The following TRPM3 variants were observed in gnomAD, a reference collection of about 807,000 sequenced individuals.
TRPM3 encodes transient receptor potential cation channel subfamily M member 3, also known as long transient receptor potential channel 3.
TRPM3 carries 77 observed loss-of-function variants against 181.2 expected under a neutral mutation model. That is an observed-to-expected ratio of 0.42 (90% CI 0.35 to 0.51). TRPM3 has a LOEUF of 0.51. TRPM3 is among the 20% of genes least tolerant of loss of function. The pLI is 0.01. For missense variants in TRPM3, 1,759 were observed against 2,196.7 expected (o/e 0.80, Z 3.98); for synonymous variants, 745 against 796.4 (o/e 0.94, Z 1.09).
chr9:70,834,118 A>G (rs565603144), intron 5 of TRPM3, among the ~76,000 whole-genome samples: 1 of 152,212 alleles, frequency 6.6e-6, no homozygotes, highest in South Asian at 2.1e-4. Context: ...TCCTGTTGAA[A>G]CCCAGATGCC....
chr9:70,761,309 G>C, intron 8 of TRPM3: 1 of 611,216 alleles, frequency 1.6e-6, no homozygotes, highest in Non-Finnish European at 2.9e-6. Context: ...TCTCCAGGAG[G>C]GGACCAATTT....
chr9:70,761,753 G>A, intron 7 of TRPM3, 29 bp from the exon 8 acceptor site: 1 of 1,595,654 alleles, frequency 6.3e-7, no homozygotes. Context: ...TCAAAAGCAG[G>A]TCAACCAACT....
chr9:70,952,654 G>A (rs569366533), intron 1 of TRPM3, among the ~76,000 whole-genome samples: 137 of 152,268 alleles, frequency 9.0e-4, no homozygotes, highest in African/African-American at 3.0e-3. Flanking sequence ...AGGAAAGAGC[G>A]AAAAATTGGA....
At chr9:70,596,427 A>C (rs1195505152) in intron 21 of TRPM3, among the ~76,000 whole-genome samples, 2 of 152,142 alleles carry the variant, frequency 1.3e-5, no homozygotes, top group African/African-American at 4.8e-5. Flanking sequence ...AGTAAATCTC[A>C]AGTAATAATA....
At chr9:71,349,479 A>T (rs1450849157) in intron 1 of TRPM3, among the ~76,000 whole-genome samples, 1 of 152,226 alleles carries the variant, frequency 6.6e-6, no homozygotes, top group African/African-American at 2.4e-5. Flanking sequence ...AATTCCACTA[A>T]GAAGACTTCA....
chr9:71,119,698 T>C (rs1461400113), intron 1 of TRPM3, among the ~76,000 whole-genome samples: 1 of 152,200 alleles, frequency 6.6e-6, no homozygotes, highest in Non-Finnish European at 1.5e-5. Flanking sequence ...GTTGAATTCT[T>C]TCAGGGAGAC....
At chr9:71,138,448 G>C (rs1009311516) in intron 1 of TRPM3, among the ~76,000 whole-genome samples, 1 of 152,032 alleles carries the variant, frequency 6.6e-6, no homozygotes, top group Non-Finnish European at 1.5e-5. Flanking sequence ...TTGCTTTTGG[G>C]TTTTAAATGA....
chr9:70,677,541 A>G (rs1204538863), intron 9 of TRPM3, among the ~76,000 whole-genome samples: 1 of 152,242 alleles, frequency 6.6e-6, no homozygotes, highest in Non-Finnish European at 1.5e-5. Flanking sequence ...TGCTACACAG[A>G]GAGGCCAAGA....
chr9:71,279,247 T>C (rs756923572), intron 1 of TRPM3, among the ~76,000 whole-genome samples: 8 of 152,032 alleles, frequency 5.3e-5, no homozygotes, highest in Non-Finnish European at 1.0e-4. Context: ...AACCCCTTCC[T>C]GTGAAAATAT....
chr9:71,366,170 T>C (rs879642479), intron 1 of TRPM3, among the ~76,000 whole-genome samples: 5 of 152,172 alleles, frequency 3.3e-5, no homozygotes, highest in African/African-American at 1.2e-4. Context: ...ACTTAAAAAT[T>C]TGAGTTCATT....
chr9:70,929,045 C>T (rs947181649), intron 1 of TRPM3, among the ~76,000 whole-genome samples: 1 of 152,154 alleles, frequency 6.6e-6, no homozygotes, highest in Non-Finnish European at 1.5e-5. Flanking sequence ...AGACTCAGCA[C>T]ATGTTCAAGG....
intron 9 of TRPM3, among the ~76,000 whole-genome samples, chr9:70,644,904 T>C (rs1160574168): frequency 2.0e-5 from 3 of 152,178 alleles, no homozygotes; most frequent in Non-Finnish European, 4.4e-5. Flanking sequence ...AGTATTTCTA[T>C]ACCTCAATAA....
intron 1 of TRPM3, among the ~76,000 whole-genome samples, chr9:71,297,212 C>T (rs904751953): frequency 6.6e-6 from 1 of 151,908 alleles, no homozygotes; most frequent in African/African-American, 2.4e-5. Context: ...TTCTCAGTAT[C>T]TCCAGAAGAG....
intron 7 of TRPM3, 151 bp downstream of exon 7, chr9:70,783,954 A>G: frequency 7.0e-7 from 1 of 1,422,078 alleles, no homozygotes. Context: ...TCTTCACCAC[A>G]GCCCTCCCAT....
At chr9:70,803,442 G>A (rs1564368230) in intron 6 of TRPM3, among the ~76,000 whole-genome samples, 2 of 135,616 alleles carry the variant, frequency 1.5e-5, no homozygotes, top group Admixed American at 7.6e-5. Flanking sequence ...CACCGCCACC[G>A]TTTTTGTTGT....
intron 8 of TRPM3, among the ~76,000 whole-genome samples, chr9:70,692,746 C>T (rs995015732): frequency 6.6e-6 from 1 of 152,222 alleles, no homozygotes; most frequent in African/African-American, 2.4e-5. Context: ...GTCACTCTCT[C>T]CTATTTTCAC....
At chr9:70,811,147 C>T in intron 6 of TRPM3, 1 of 1,569,502 alleles carries the variant, frequency 6.4e-7, no homozygotes, top group Non-Finnish European at 8.7e-7. Flanking sequence ...AAGAAATTCA[C>T]ATTTTCCATT....
At chr9:70,607,518 C>T (rs2061367242) in intron 19 of TRPM3, among the ~76,000 whole-genome samples, 1 of 152,190 alleles carries the variant, frequency 6.6e-6, no homozygotes, top group Non-Finnish European at 1.5e-5. Context: ...CAGAAGTGTG[C>T]TGGACACACA....
At chr9:71,001,579 G>A (rs1451923529) in intron 1 of TRPM3, among the ~76,000 whole-genome samples, 1 of 152,114 alleles carries the variant, frequency 6.6e-6, no homozygotes, top group Non-Finnish European at 1.5e-5. Context: ...AAAAAGCCAG[G>A]AACAACAGAG....
Sources: allele counts gnomAD v4.1 joint callset (sites outside exome capture counted in the v4.1 genomes callset), GRCh38; gene constraint gnomAD v4.1.1; transcripts MANE v1.5; gene names NCBI Gene and HGNC (gene_info 2026-07-23, HGNC 2026-07-21).